The following EIF4G3 variants were observed in gnomAD, a reference collection of about 807,000 sequenced individuals.
EIF4G3 encodes eukaryotic translation initiation factor 4 gamma 3, also known as eIF-4-gamma 3.
A neutral mutation model predicts 186.4 loss-of-function variants in EIF4G3; 34 were observed. The ratio of observed to expected loss-of-function variants is 0.18; its 90% confidence interval spans 0.14 to 0.24. The LOEUF is 0.24. Among genes scored for constraint, EIF4G3 ranks in the 10% least tolerant of loss-of-function variants. The pLI is 1.00. For synonymous variants in EIF4G3, 673 were observed against 679.5 expected (o/e 0.99, Z 0.15); for missense variants, 1,536 against 1,948.5 (o/e 0.79, Z 3.99).
At chr1:20,811,233 C>G (rs562059081) in intron 35 of EIF4G3, among the ~76,000 whole-genome samples, 2 of 152,328 alleles carry the variant, frequency 1.3e-5, no homozygotes, top group South Asian at 4.1e-4. Flanking sequence ...GGATTACAGG[C>G]ATGAGCCACT....
chr1:21,135,534 TG>T (rs2097222851), intron 2 of EIF4G3, among the ~76,000 whole-genome samples: 1 of 152,032 alleles, frequency 6.6e-6, no homozygotes, highest in African/African-American at 2.4e-5. Context: ...GAAAATTAAA[TG>T]GGGTAAAAAA....
rs184466466 is a variant in EIF4G3, at chr1:20,809,430, G to C, written c.4744+1308C>G. Among the ~76,000 whole-genome samples, 193 of 152,266 alleles carry C rather than the reference G, an allele frequency of 1.3e-3. 1 individual carries two copies. The highest frequency in any genetic ancestry group is 4.5e-3 in the African/African-American group (187 of 41,548). ...ATAAGGAAGTACCAAAGAACTACTT[G>C]AGTGCTCTCTCTAATAGCTATGTAC... On this transcript the variant is annotated intron_variant, in intron 36 of 36. Transcript: ENST00000602326.
intron 2 of EIF4G3, among the ~76,000 whole-genome samples, chr1:21,117,736 T>TAAAAAGAAAAAAAAAAAAAA (rs2096850246): frequency 1.4e-5 from 1 of 73,088 alleles, no homozygotes; most frequent in Non-Finnish European, 2.6e-5. Context: ...CAGTATATAG[T>TAAAAAGAAAAAAAAAAAAAA]AAAAAAAAAA....
At chr1:21,034,963 C>G (rs749600476) in intron 4 of EIF4G3, among the ~76,000 whole-genome samples, 1 of 152,194 alleles carries the variant, frequency 6.6e-6, no homozygotes, top group Non-Finnish European at 1.5e-5. Flanking sequence ...GACCCTGCAA[C>G]GACATCACCC....
intron 3 of EIF4G3, among the ~76,000 whole-genome samples, chr1:21,062,528 T>A (rs941391673): frequency 6.6e-6 from 1 of 152,228 alleles, no homozygotes; most frequent in Non-Finnish European, 1.5e-5. Flanking sequence ...GATATGGATC[T>A]AGCACCACGG....
At chr1:20,841,685 T>C (rs563714851) in intron 29 of EIF4G3, among the ~76,000 whole-genome samples, 3 of 152,342 alleles carry the variant, frequency 2.0e-5, no homozygotes, top group African/African-American at 4.8e-5. Flanking sequence ...GTGTTTACTA[T>C]AGAGTATCCA....
intron 12 of EIF4G3, among the ~76,000 whole-genome samples, chr1:20,956,030 G>C (rs1430551726): frequency 1.3e-5 from 2 of 151,992 alleles, no homozygotes; most frequent in Non-Finnish European, 2.9e-5. Flanking sequence ...TAATACAAAG[G>C]CAATAAAAAA....
At chr1:20,979,716 C>T (rs979466117) in intron 10 of EIF4G3, among the ~76,000 whole-genome samples, 1 of 151,746 alleles carries the variant, frequency 6.6e-6, no homozygotes, top group South Asian at 2.1e-4. Context: ...TTCTATAATA[C>T]TCCTCTTGTA....
chr1:20,850,075 A>C (rs1295925713), intron 28 of EIF4G3, among the ~76,000 whole-genome samples: 1 of 152,186 alleles, frequency 6.6e-6, no homozygotes, highest in African/African-American at 2.4e-5. Context: ...CCTTGGTACC[A>C]GATAGTTCTA....
At chr1:20,999,520 T>G (rs1227912709) in intron 6 of EIF4G3, among the ~76,000 whole-genome samples, 2 of 152,162 alleles carry the variant, frequency 1.3e-5, no homozygotes, top group Non-Finnish European at 2.9e-5. Context: ...ACAGAAAATG[T>G]CCCATTTTCA....
In EIF4G3 at chr1:21,050,763, T is replaced by C. The variant is rs1017328288; in HGVS notation, c.-67+103A>G. The C allele has an allele frequency of 6.4e-6, 4 of 624,752 alleles. No individual in the cohort carries two copies. In the East Asian group the frequency reaches 9.2e-5, roughly 14 times the overall value. The allele number at this position is 624,752 out of a possible 1,614,324, so 38.7% of individuals were successfully genotyped here. On this transcript the variant is annotated intron_variant, in intron 4 of 36. Coordinates refer to ENST00000602326, the MANE Select transcript of EIF4G3 (RefSeq NM_001391906.1). ...GCCAAAGACAAACTTGAAATTACTA[T>C]ACAAGTAATGTTTTATGTTACTGCT...
rs1016853435 is a variant in EIF4G3 at position 20,854,921 on chromosome 1, T to C, written c.3433+57A>G. ...TCATTCGATGACTATGGGAATGCGC[T>C]GTAAGGCAAATGCTAACAAGCCACA... On this transcript the variant is annotated intron_variant, in intron 26 of 36. Transcript: ENST00000602326. 6 of 1,447,062 alleles carry C rather than the reference T, an allele frequency of 4.1e-6. No homozygotes were observed. The African/African-American group carries it at 4.2e-5, about 10-fold the overall frequency. The allele number at this position is 1,447,062 out of a possible 1,614,324, so 89.6% of individuals were successfully genotyped here. A position where few individuals can be genotyped will look rare whatever the true frequency, so the allele number is the denominator to read the frequency against.
chr1:20,916,685 G>T (rs1041022453), intron 14 of EIF4G3, among the ~76,000 whole-genome samples: 1 of 152,030 alleles, frequency 6.6e-6, no homozygotes, highest in Non-Finnish European at 1.5e-5. Flanking sequence ...AAGTTGGAGG[G>T]CTTAATACTC....
chr1:21,108,973 T>C (rs962920347), intron 2 of EIF4G3, among the ~76,000 whole-genome samples: 2 of 151,328 alleles, frequency 1.3e-5, no homozygotes, highest in African/African-American at 4.9e-5. Context: ...ATCCCAGCAT[T>C]TTGGGAGGAT....
chr1:21,157,151 T>A (rs2097676597), intron 2 of EIF4G3, among the ~76,000 whole-genome samples: 2 of 152,284 alleles, frequency 1.3e-5, no homozygotes, highest in African/African-American at 4.8e-5. Context: ...TTCTATTTTA[T>A]CCCAGTGGAT....
chr1:21,155,283 AAAAG>A lies in EIF4G3; in HGVS notation c.-272+20888_-272+20891del, dbSNP rs1470483404. 3.3e-5 allele frequency among the ~76,000 whole-genome samples: 5 copies of A among 150,548 alleles called. No homozygotes were observed. The East Asian group carries it at 7.8e-4, about 23-fold the overall frequency. On this transcript the variant is annotated intron_variant, in intron 2 of 36. Coordinates refer to ENST00000602326, the MANE Select transcript of EIF4G3 (RefSeq NM_001391906.1). ...GTCTCAAAAAAAAAAAAAAAAAAAA[AAAAG>A]AAAGAAAGAAATTATACATCAATCC...
intron 6 of EIF4G3, chr1:20,999,649 A>G (rs2083067698): frequency 2.5e-6 from 1 of 405,056 alleles, no homozygotes; most frequent in African/African-American, 2.1e-5. Context: ...AAAAGCGAAA[A>G]AGAAAACCCC....
rs542589759 is a variant in EIF4G3 at position 20,862,587 on chromosome 1, A to AT, written c.3007-256dup. Among the ~76,000 whole-genome samples the AT allele has an allele frequency of 5.9e-5, 9 of 151,842 alleles. 2 individuals carry two copies. In the South Asian group the frequency reaches 1.9e-3, roughly 32 times the overall value. The stretch of plus-strand genomic sequence containing the variant: ...GCCACCGTGCCTGGCTAATCTTTTA[A>AT]TTTTTTGTAGAGACAGGGTCTCATT... On this transcript the variant is annotated intron_variant, in intron 22 of 36. Transcript: ENST00000602326.
intron 14 of EIF4G3, among the ~76,000 whole-genome samples, chr1:20,939,116 TAAA>T (rs3051247): frequency 7.7e-6 from 1 of 129,720 alleles, no homozygotes; most frequent in Non-Finnish European, 1.6e-5. Context: ...TAAAAAAAAT[TAAA>T]AAAAAAAAAA....
Sources: gnomAD v4.1 joint callset for allele counts (sites outside exome capture counted in the v4.1 genomes callset) on GRCh38, gnomAD v4.1.1 for gene constraint, MANE v1.5 for transcripts, NCBI Gene and HGNC (gene_info 2026-07-23, HGNC 2026-07-21) for gene names.